CDH12: variants seen among roughly 807,000 people sequenced by gnomAD.
CDH12 encodes the protein cadherin-12.
A neutral mutation model predicts 74.1 loss-of-function variants in CDH12; 41 were observed. That is an observed-to-expected ratio of 0.55 (90% confidence interval 0.43 to 0.72). CDH12 has a LOEUF of 0.72. Ranked by LOEUF, CDH12 falls within the 30% of genes least tolerant of loss-of-function variation. The pLI, the probability that CDH12 is intolerant of heterozygous loss-of-function variation, is 0.00. For missense variants in CDH12, 945 were observed against 977.2 expected (o/e 0.97, Z 0.44); for synonymous variants, 399 against 355.0 (o/e 1.12, Z -1.39).
intron 1 of CDH12, among the ~76,000 whole-genome samples, chr5:22,799,694 T>C (rs1263830407): frequency 6.6e-6 from 1 of 152,166 alleles, no homozygotes; most frequent in African/African-American, 2.4e-5. Flanking sequence ...CATAAAGTAC[T>C]CAGTACTCCC....
At chr5:22,539,395 C>G (rs547328500) in intron 1 of CDH12, among the ~76,000 whole-genome samples, 1 of 152,230 alleles carries the variant, frequency 6.6e-6, no homozygotes, top group East Asian at 1.9e-4. Flanking sequence ...TGCCTGATAA[C>G]TGTATTGAAT....
chr5:21,918,409 G>C (rs899984876), intron 6 of CDH12, among the ~76,000 whole-genome samples: 1 of 151,534 alleles, frequency 6.6e-6, no homozygotes, highest in Non-Finnish European at 1.5e-5. Context: ...ATTTGTATTG[G>C]TCCATTCTCA....
At chr5:22,672,559 G>T (rs1740961476) in intron 1 of CDH12, among the ~76,000 whole-genome samples, 1 of 152,104 alleles carries the variant, frequency 6.6e-6, no homozygotes, top group African/African-American at 2.4e-5. Context: ...CCACCCTTCT[G>T]CCATGGGATG....
chr5:22,000,730 C>G (rs531929931), intron 5 of CDH12, among the ~76,000 whole-genome samples: 1 of 152,196 alleles, frequency 6.6e-6, no homozygotes, highest in Non-Finnish European at 1.5e-5. Flanking sequence ...AAGTGATGAT[C>G]GGATAGTGCA....
chr5:22,360,930 T>C (rs1740776618), intron 3 of CDH12, among the ~76,000 whole-genome samples: 1 of 152,160 alleles, frequency 6.6e-6, no homozygotes, highest in African/African-American at 2.4e-5. Context: ...GGGATGTATC[T>C]CAAAATAATA....
At chr5:22,172,743 T>C (rs1426324940) in intron 4 of CDH12, among the ~76,000 whole-genome samples, 1 of 151,808 alleles carries the variant, frequency 6.6e-6, no homozygotes, top group Non-Finnish European at 1.5e-5. Flanking sequence ...ATGCATTTCC[T>C]TTTTTCTCTA....
intron 6 of CDH12, among the ~76,000 whole-genome samples, chr5:21,973,512 C>T (rs1184495661): frequency 6.6e-6 from 1 of 152,132 alleles, no homozygotes; most frequent in Admixed American, 6.6e-5. Context: ...CTCTGCAGCC[C>T]TAGTTATTAT....
At chr5:21,941,626 A>G (rs573547889) in intron 6 of CDH12, among the ~76,000 whole-genome samples, 1 of 152,032 alleles carries the variant, frequency 6.6e-6, no homozygotes, top group Admixed American at 6.6e-5. Context: ...TTTGGACCAC[A>G]ACTTATAGAC....
At chr5:22,286,366 T>A (rs549960897) in intron 3 of CDH12, among the ~76,000 whole-genome samples, 1 of 152,322 alleles carries the variant, frequency 6.6e-6, no homozygotes, top group East Asian at 1.9e-4. Context: ...AAGTCATCCA[T>A]CTTGGTTGGC....
chr5:21,857,413 G>A (rs1337699481), intron 6 of CDH12, among the ~76,000 whole-genome samples: 1 of 151,690 alleles, frequency 6.6e-6, no homozygotes, highest in Non-Finnish European at 1.5e-5. Flanking sequence ...AAGTGGTCAG[G>A]GCCAGAGTGC....
intron 5 of CDH12, among the ~76,000 whole-genome samples, chr5:22,009,939 CAAAAAA>C (rs774589642): frequency 3.7e-5 from 2 of 54,330 alleles, no homozygotes; most frequent in East Asian, 1.1e-3. Flanking sequence ...GAAACTGTCT[CAAAAAA>C]AAAAAAAAAA....
intron 3 of CDH12, among the ~76,000 whole-genome samples, chr5:22,249,083 AC>A (rs1348730695): frequency 6.6e-6 from 1 of 152,188 alleles, no homozygotes; most frequent in South Asian, 2.1e-4. Flanking sequence ...TTCTGTGAAT[AC>A]CCCCCAAAAT....
chr5:22,492,134 A>G (rs926661570), intron 2 of CDH12, among the ~76,000 whole-genome samples: 2 of 152,076 alleles, frequency 1.3e-5, no homozygotes, highest in African/African-American at 4.8e-5. Flanking sequence ...CATGGCCAAG[A>G]CACAGCCTGG....
intron 1 of CDH12, among the ~76,000 whole-genome samples, chr5:22,628,623 C>T (rs1220096892): frequency 6.6e-6 from 1 of 152,054 alleles, no homozygotes; most frequent in Non-Finnish European, 1.5e-5. Flanking sequence ...GTTTATAGCG[C>T]TAAACACCAG....
intron 1 of CDH12, among the ~76,000 whole-genome samples, chr5:22,806,799 C>A (rs138686950): frequency 6.6e-6 from 1 of 152,028 alleles, no homozygotes; most frequent in African/African-American, 2.4e-5. Flanking sequence ...TGTTCATATC[C>A]TTTGCCTACT....
chr5:22,161,923 G>T (rs1322428462), intron 4 of CDH12, among the ~76,000 whole-genome samples: 2 of 151,376 alleles, frequency 1.3e-5, no homozygotes, highest in Non-Finnish European at 2.9e-5. Context: ...TATAGAATGG[G>T]GGATTAATCT....
At chr5:22,327,428 C>CTGTG (rs71609761) in intron 3 of CDH12, among the ~76,000 whole-genome samples, 1,672 of 103,298 alleles carry the variant, frequency 0.016, 13 homozygotes, top group African/African-American at 0.033. Context: ...ATTTGTGCCT[C>CTGTG]TGTGTGTGTG....
intron 5 of CDH12, among the ~76,000 whole-genome samples, chr5:22,052,764 A>G (rs1156891872): frequency 6.6e-6 from 1 of 152,074 alleles, no homozygotes; most frequent in Non-Finnish European, 1.5e-5. Context: ...ACATTTATTA[A>G]ATTTATCTTT....
chr5:22,268,590 A>G lies in CDH12; in HGVS notation c.-332-55947T>C, dbSNP rs144369418. ...AATTTTTGTAAAAAAAAACTCTACA[A>G]TTTATTATAAGATGTTAAGGTTTAG... On this transcript the variant is annotated intron_variant, in intron 3 of 14. Transcript: ENST00000382254. Among the ~76,000 whole-genome samples the G allele has an allele frequency of 4.0e-3, 610 of 152,210 alleles. 8 individuals are homozygous for G. The highest frequency in any genetic ancestry group is 0.014 in the African/African-American group (577 of 41,554).
Sources: gnomAD v4.1 joint callset for allele counts (sites outside exome capture counted in the v4.1 genomes callset) on GRCh38, gnomAD v4.1.1 for gene constraint, MANE v1.5 for transcripts, NCBI Gene and HGNC (gene_info 2026-07-23, HGNC 2026-07-21) for gene names.